WDR64: variants seen among roughly 807,000 people sequenced by gnomAD.
The protein encoded by WDR64 is WD repeat domain 64, also known as WD repeat-containing protein 64.
WDR64 carries 112 observed loss-of-function variants against 139.3 expected under a neutral mutation model. The ratio of observed to expected loss-of-function variants is 0.80; its 90% confidence interval spans 0.69 to 0.94. The LOEUF is 0.94. Among genes scored for constraint, WDR64 ranks in the 40% least tolerant of loss-of-function variants. The probability of loss-of-function intolerance (pLI) is 0.00; values close to 1 mark genes in which losing one functional copy is unlikely to be tolerated. For missense variants in WDR64, 1,206 were observed against 1,293.1 expected (o/e 0.93, Z 1.03); for synonymous variants, 444 against 437.7 (o/e 1.01, Z -0.18).
chr1:241,802,204 C>T lies in WDR64; in HGVS notation c.*989C>T. The T allele has an allele frequency of 2.5e-6, 1 of 397,076 alleles. No individual in the cohort carries two copies. Among genetic ancestry groups the T allele is most frequent in the Non-Finnish European group, 4.4e-6 (1 of 225,670 alleles). 24.6% of individuals were successfully genotyped at this position (397,076 alleles called of 1,614,324 possible). A position where few individuals can be genotyped will look rare whatever the true frequency, so the allele number is the denominator to read the frequency against. ...CTATGGTAGGGTAGGACAATGGAAT[C>T]CTCAGCAATTAAAGGGAATAAAATG... On this transcript the variant is annotated 3_prime_UTR_variant, in exon 28 of 28. Coordinates refer to ENST00000437684, the MANE Select transcript of WDR64 (RefSeq NM_001367482.1).
At chr1:241,663,438 C>T (rs184672883) in intron 2 of WDR64, among the ~76,000 whole-genome samples, 2 of 152,326 alleles carry the variant, frequency 1.3e-5, no homozygotes, top group African/African-American at 4.8e-5. Context: ...ATCCCTTGGC[C>T]ACCCCCTCAG....
chr1:241,765,564 G>C (rs1349023411), intron 15 of WDR64, among the ~76,000 whole-genome samples: 1 of 152,204 alleles, frequency 6.6e-6, no homozygotes, highest in African/African-American at 2.4e-5. Flanking sequence ...GAGCAACTGA[G>C]AGTGGTAATT....
Position 241,683,677 on chromosome 1 carries a change from T to A in WDR64, c.815T>A (p.Val272Asp). Residue 272 changes from valine (V) to aspartate (D), a missense_variant, in exon 7 of 28, where the codon GTC becomes GAC. Val to Asp is a radical substitution (Grantham distance 152). Transcript: ENST00000437684. ...TCCAAAAGAAAATTACAAAATCAGG[T>A]CTTAGACTCAAAGAACTTTAAAAGG... ...AKSKRKLQNQ[V>D]LDSKNFKSVK... 6.5e-7 allele frequency: 1 copy of A among 1,550,308 alleles called. No individual in the cohort carries two copies. Among genetic ancestry groups the A allele is most frequent in the Non-Finnish European group, 8.7e-7 (1 of 1,146,220 alleles).
chr1:241,689,470 G>T (rs1234826618), intron 8 of WDR64, among the ~76,000 whole-genome samples: 3 of 152,182 alleles, frequency 2.0e-5, no homozygotes, highest in African/African-American at 7.2e-5. Flanking sequence ...AGATATCAGT[G>T]CAAGGAAAAT....
intron 10 of WDR64, among the ~76,000 whole-genome samples, chr1:241,734,470 T>A (rs185648605): frequency 1.3e-5 from 2 of 152,276 alleles, no homozygotes; most frequent in East Asian, 3.9e-4. Flanking sequence ...TGTGAACACC[T>A]AAGAATAAAG....
chr1:241,734,421 A>G (rs577457067), intron 10 of WDR64, among the ~76,000 whole-genome samples: 40 of 152,326 alleles, frequency 2.6e-4, no homozygotes, highest in Non-Finnish European at 7.4e-5. Flanking sequence ...TGGGCTTCAC[A>G]AATATCACTA....
At chr1:241,670,649 G>A (rs973942892) in intron 2 of WDR64, among the ~76,000 whole-genome samples, 2 of 152,218 alleles carry the variant, frequency 1.3e-5, no homozygotes, top group Non-Finnish European at 2.9e-5. Context: ...CGCACAGCAG[G>A]AGGTGATCAG....
chr1:241,733,141 A>G (rs1669158317), intron 10 of WDR64, among the ~76,000 whole-genome samples: 1 of 152,110 alleles, frequency 6.6e-6, no homozygotes. Flanking sequence ...TCCCATTGTT[A>G]AAAAAATCCC....
At chr1:241,687,362 A>C (rs1386197712) in intron 7 of WDR64, 99 bp from the exon 8 acceptor site, 1 of 1,388,586 alleles carries the variant, frequency 7.2e-7, no homozygotes, top group East Asian at 2.4e-5. Flanking sequence ...ATTTGGGTTT[A>C]GTACAATTCA....
At chr1:241,724,993 G>A (rs1282017603) in intron 10 of WDR64, among the ~76,000 whole-genome samples, 2 of 151,998 alleles carry the variant, frequency 1.3e-5, no homozygotes, top group African/African-American at 2.4e-5. Flanking sequence ...TCCTCAGCCT[G>A]CCTCCCTATA....
chr1:241,728,301 C>G (rs1005874390), intron 10 of WDR64, among the ~76,000 whole-genome samples: 1 of 151,678 alleles, frequency 6.6e-6, no homozygotes, highest in African/African-American at 2.4e-5. Context: ...CCACTGCACT[C>G]CAGCCTGGGC....
chr1:241,793,205 A>G (rs1297662974), intron 25 of WDR64, among the ~76,000 whole-genome samples: 1 of 152,252 alleles, frequency 6.6e-6, no homozygotes, highest in Non-Finnish European at 1.5e-5. Context: ...AGCAAGAAAC[A>G]TGTATAAGGT....
At chr1:241,749,818 G>A in intron 14 of WDR64, 96 bp downstream of exon 14, 1 of 1,347,370 alleles carries the variant, frequency 7.4e-7, no homozygotes, top group South Asian at 1.4e-5. Flanking sequence ...CCCGCTCTTG[G>A]TAGCCAGCTG....
chr1:241,658,131 C>T (rs957520759), intron 1 of WDR64, among the ~76,000 whole-genome samples: 18 of 152,200 alleles, frequency 1.2e-4, no homozygotes, highest in African/African-American at 4.3e-4. Flanking sequence ...AGTTCTTACA[C>T]ATAACAGATA....
rs1659543142 is a variant in WDR64, at chr1:241,802,112, A to G, written c.*897A>G. ...CAAGAATCTTTATAAAAGTTTTATA[A>G]AGTTATTAATAATAACTCAAAAAAG... On this transcript the variant is annotated 3_prime_UTR_variant, in exon 28 of 28. Transcript: ENST00000437684. 2.5e-6 allele frequency: 1 copy of G among 397,934 alleles called. No homozygotes were observed. The highest frequency in any genetic ancestry group is 1.3e-4 in the South Asian group (1 of 7,846). 24.7% of individuals were successfully genotyped at this position (397,934 alleles called of 1,614,324 possible).
At chr1:241,734,409 T>G (rs766769411) in intron 10 of WDR64, among the ~76,000 whole-genome samples, 58 of 152,274 alleles carry the variant, frequency 3.8e-4, no homozygotes, top group African/African-American at 1.3e-3. Context: ...CTCTCAGATA[T>G]TTGGGCTTCA....
rs1326364433 is a variant in WDR64 at position 241,770,665 on chromosome 1, C to T, written c.2228C>T (p.Ser743Phe). The T allele has an allele frequency of 6.4e-7, 1 of 1,551,476 alleles. No homozygotes were observed. Among genetic ancestry groups the T allele is most frequent in the Admixed American group, 2.0e-5 (1 of 50,968 alleles). ...ATATGTTCTTCATCCCAGTGTGAAT[C>T]CAGCAAAGGTCCACAGAGCAGTAAG... ...DSICSSSQCE[S>F]SKGPQSSKGS... Residue 743 changes from serine to phenylalanine, a missense_variant, in exon 18 of 28, where the codon TCC becomes TTC. Ser to Phe is a radical substitution (Grantham distance 155). Transcript: ENST00000437684.
At chr1:241,698,520 G>A (rs1397240801) in intron 8 of WDR64, among the ~76,000 whole-genome samples, 3 of 152,030 alleles carry the variant, frequency 2.0e-5, no homozygotes, top group African/African-American at 7.2e-5. Context: ...CCTCCCCACA[G>A]CACTTCCATG....
At chr1:241,788,997 C>G (rs1659137852) in intron 24 of WDR64, among the ~76,000 whole-genome samples, 1 of 152,158 alleles carries the variant, frequency 6.6e-6, no homozygotes, top group African/African-American at 2.4e-5. Context: ...ATCTTCTTCT[C>G]TATACTGTGA....
Sources: allele counts gnomAD v4.1 joint callset (sites outside exome capture counted in the v4.1 genomes callset), GRCh38; gene constraint gnomAD v4.1.1; transcripts MANE v1.5; gene names NCBI Gene and HGNC (gene_info 2026-07-23, HGNC 2026-07-21).